The following PCDHGB2 variants were observed in gnomAD, a reference collection of about 807,000 sequenced individuals.
The protein encoded by PCDHGB2 is protocadherin gamma subfamily B, 2.
A neutral mutation model predicts 59.3 loss-of-function variants in PCDHGB2; 55 were observed. The observed-to-expected ratio is 0.93, with a 90% CI of 0.75 to 1.16. The LOEUF (loss-of-function observed/expected upper bound fraction) is 1.16. PCDHGB2 is among the 50% of genes most tolerant of loss of function. The probability of loss-of-function intolerance (pLI) is 0.00; values close to 1 mark genes in which losing one functional copy is unlikely to be tolerated. For synonymous variants in PCDHGB2, 516 were observed against 512.0 expected (o/e 1.01, Z -0.11); for missense variants, 1,228 against 1,198.5 (o/e 1.02, Z -0.36).
rs755962280 is a variant in PCDHGB2 at position 141,362,079 on chromosome 5, T to C, written c.1944T>C (p.Asp648=). 28 of 1,612,646 alleles carry C rather than the reference T, an allele frequency of 1.7e-5. No homozygotes were observed. Among genetic ancestry groups the C allele is most frequent in the Admixed American group, 1.7e-4 (10 of 59,972 alleles). The change falls in exon 1 of 4, where the codon GAT becomes GAC. Residue 648 remains aspartate (D), a synonymous_variant. Coordinates refer to ENST00000522605, the MANE Select transcript of PCDHGB2 (RefSeq NM_018923.3). ...ARQRLLVAVR[D]GGQPPLSATA... is the part of the protein sequence containing the mutation. ...AGCGCCTGCTGGTCGCTGTGCGTGA[T>C]GGAGGACAGCCGCCACTCTCCGCTA...
chr5:141,385,657 C>T, intron 1 of PCDHGB2: 1 of 611,856 alleles, frequency 1.6e-6, no homozygotes, highest in Admixed American at 4.9e-5. Context: ...ACAAGGTTAG[C>T]AGGAATAAAA....
chr5:141,379,889 CTTTTTTTTTTTTTTTTT>C (rs70988800), intron 1 of PCDHGB2, among the ~76,000 whole-genome samples: 16 of 50,830 alleles, frequency 3.1e-4, no homozygotes, highest in East Asian at 2.5e-3. Flanking sequence ...GTGAAAGCCT[CTTTTTTTTTTTTTTTTT>C]TTTTTTTTTT....
Position 141,459,563 on chromosome 5 carries a change from C to T in PCDHGB2, c.2422-35244C>T, listed in dbSNP as rs1382676727. On this transcript the variant is annotated intron_variant, in intron 1 of 3. Coordinates refer to ENST00000522605, the MANE Select transcript of PCDHGB2 (RefSeq NM_018923.3). ...TTTTATTTCTCTTGGATAAATACCCCAAAACAGAATTGTTTTGGGGGTCAT... is the reference window on the plus strand; with the variant it reads ...TTTTATTTCTCTTGGATAAATACCCTAAAACAGAATTGTTTTGGGGGTCAT... Among the ~76,000 whole-genome samples, 21 of 152,044 alleles carry T rather than the reference C, an allele frequency of 1.4e-4. 1 individual carries two copies.
intron 1 of PCDHGB2, chr5:141,384,511 G>A (rs1780163912): frequency 6.2e-7 from 1 of 1,614,188 alleles, no homozygotes; most frequent in Non-Finnish European, 8.5e-7. Flanking sequence ...ACATGACAGC[G>A]GGGACCCGCC....
chr5:141,401,506 C>A (rs2094161695), intron 1 of PCDHGB2, among the ~76,000 whole-genome samples: 1 of 152,126 alleles, frequency 6.6e-6, no homozygotes, highest in Non-Finnish European at 1.5e-5. Flanking sequence ...CCTTTTCCAC[C>A]TCTATATAAT....
chr5:141,433,328 G>A (rs965877578), intron 1 of PCDHGB2: 3 of 724,464 alleles, frequency 4.1e-6, no homozygotes, highest in African/African-American at 3.6e-5. Context: ...GGTGTAACAG[G>A]GACTACAGGT....
At chr5:141,418,572 A>G (rs777784393) in intron 1 of PCDHGB2, 5 of 1,613,794 alleles carry the variant, frequency 3.1e-6, no homozygotes, top group Non-Finnish European at 4.2e-6. Flanking sequence ...GCCAATGACA[A>G]CCCCCCAGTG....
chr5:141,395,197 T>C, intron 1 of PCDHGB2: 1 of 1,614,012 alleles, frequency 6.2e-7, no homozygotes, highest in Non-Finnish European at 8.5e-7. Context: ...TTAACATCCG[T>C]AGATTTTCAT....
chr5:141,372,350 GCCTCTTTCAGCCA>G (rs1768695448), intron 1 of PCDHGB2: 2 of 1,613,880 alleles, frequency 1.2e-6, no homozygotes, highest in Admixed American at 3.3e-5. Flanking sequence ...GAGGACAGCA[GCCTCTTTCAGCCA>G]CCGTCATGCT....
intron 1 of PCDHGB2, among the ~76,000 whole-genome samples, chr5:141,467,591 T>C (rs765816743): frequency 3.3e-5 from 5 of 152,360 alleles, no homozygotes; most frequent in South Asian, 4.1e-4. Flanking sequence ...ATGCCATTTA[T>C]TAAGCACTTC....
chr5:141,438,627 TATATATATACACACAC>T (rs1396288881), intron 1 of PCDHGB2, among the ~76,000 whole-genome samples: 69 of 48,002 alleles, frequency 1.4e-3, no homozygotes, highest in Admixed American at 2.8e-3. Flanking sequence ...TATATATATA[TATATATATACACACAC>T]ACACACACAT....
chr5:141,440,618 C>G (rs1287745652), intron 1 of PCDHGB2: 3 of 152,196 alleles, frequency 2.0e-5, no homozygotes, highest in South Asian at 2.1e-4. Context: ...GCAGAAGATC[C>G]TGATGTTGAG....
chr5:141,394,667 G>C, intron 1 of PCDHGB2: 5 of 1,613,252 alleles, frequency 3.1e-6, no homozygotes, highest in Non-Finnish European at 4.2e-6. Flanking sequence ...GACTCTTCTC[G>C]GTGGGTCTGC....
intron 1 of PCDHGB2, chr5:141,419,715 T>C: frequency 6.2e-7 from 1 of 1,613,288 alleles, no homozygotes. Flanking sequence ...CTCTTCAGCC[T>C]GGGGCTGCGA....
chr5:141,368,302 A>G lies in PCDHGB2; in HGVS notation c.2421+5746A>G, dbSNP rs948478574. On this transcript the variant is annotated intron_variant, in intron 1 of 3. Transcript: ENST00000522605. The stretch of plus-strand genomic sequence containing the variant: ...ACCACTTGATTTTTATTTTTTAAAC[A>G]CTGTTAAAGAGCATTCAAGTATATC... 7.9e-5 allele frequency among the ~76,000 whole-genome samples: 12 copies of G among 152,282 alleles called. No individual in the cohort carries two copies. In the East Asian group the frequency reaches 2.3e-3, roughly 29 times the overall value.
chr5:141,409,116 A>G (rs1236625059), intron 1 of PCDHGB2: 1 of 1,614,034 alleles, frequency 6.2e-7, no homozygotes. Flanking sequence ...AAGAATAACC[A>G]GTCATTTGAT....
intron 1 of PCDHGB2, chr5:141,393,048 C>T (rs745354934): frequency 1.2e-6 from 2 of 1,613,672 alleles, no homozygotes; most frequent in African/African-American, 1.3e-5. Context: ...TGCTCTGAAC[C>T]CGCGCAGCGG....
chr5:141,383,476 GA>G, intron 1 of PCDHGB2: 2 of 1,613,748 alleles, frequency 1.2e-6, no homozygotes, highest in Non-Finnish European at 1.7e-6. Context: ...TAAGTACCCG[GA>G]ACTGGTGCTG....
At chr5:141,372,559 C>T in intron 1 of PCDHGB2, 1 of 1,614,048 alleles carries the variant, frequency 6.2e-7, no homozygotes, top group Non-Finnish European at 8.5e-7. Context: ...TCCAGACCCG[C>T]CACTGAGGGC....
Sources: allele counts gnomAD v4.1 joint callset (sites outside exome capture counted in the v4.1 genomes callset), GRCh38; gene constraint gnomAD v4.1.1; transcripts MANE v1.5; gene names NCBI Gene and HGNC (gene_info 2026-07-23, HGNC 2026-07-21).